The following MED1 variants were observed in gnomAD, a reference collection of about 807,000 sequenced individuals.
MED1 encodes mediator complex subunit 1.
In MED1, 17 loss-of-function variants were observed where a neutral mutation model predicts 121.3. That is an observed-to-expected ratio of 0.14 (90% CI 0.10 to 0.21). The LOEUF (loss-of-function observed/expected upper bound fraction) is 0.21. MED1 is among the 10% of genes least tolerant of loss of function. The pLI, the probability that MED1 is intolerant of heterozygous loss-of-function variation, is 1.00. For synonymous variants in MED1, 661 were observed against 694.4 expected (o/e 0.95, Z 0.76); for missense variants, 1,558 against 1,919.4 (o/e 0.81, Z 3.52).
Position 39,408,138 on chromosome 17 carries a change from G to A in MED1, c.4083C>T (p.Asp1361=). The A allele has an allele frequency of 6.2e-7, 1 of 1,614,036 alleles. No homozygotes were observed. The change falls in exon 17 of 17, where the codon GAC becomes GAT. Residue 1361 remains aspartate (D), a synonymous_variant. Coordinates refer to ENST00000300651, the MANE Select transcript of MED1 (RefSeq NM_004774.4). The surrounding 1 kb of genome is among the most constrained non-coding windows in gnomAD (Gnocchi z 4.7). ...TCCCGGAGGTGGAAACCTTTGATTTGTCTTTATCACTTTTCTCACGCTTGC... is the reference window on the plus strand; with the variant it reads ...TCCCGGAGGTGGAAACCTTTGATTTATCTTTATCACTTTTCTCACGCTTGC... The part of the protein sequence containing the change: ...FQGKREKSDK[D]KSKVSTSGSS...
chr17:39,448,780 A>G lies in MED1; in HGVS notation c.26-876T>C, dbSNP rs543636613. ...CAAAATTAGCCGGGCTTGGTGGTAC[A>G]TGCCTGTAATCCCAGCTACTCGGAA... On this transcript the variant is annotated intron_variant, in intron 1 of 16. Coordinates refer to ENST00000300651, the MANE Select transcript of MED1 (RefSeq NM_004774.4). Among the ~76,000 whole-genome samples, 115 of 151,830 alleles carry G rather than the reference A, an allele frequency of 7.6e-4. 1 individual carries two copies. The highest frequency in any genetic ancestry group is 1.4e-3 in the Non-Finnish European group (92 of 67,916).
At chr17:39,446,202 G>T (rs2144775226) in intron 2 of MED1, among the ~76,000 whole-genome samples, 1 of 152,064 alleles carries the variant, frequency 6.6e-6, no homozygotes, top group Middle Eastern at 3.4e-3. Flanking sequence ...TGTAATCCCA[G>T]CACTTTGAGA....
At chr17:39,419,223 C>A (rs998278041) in intron 14 of MED1, among the ~76,000 whole-genome samples, 2 of 151,808 alleles carry the variant, frequency 1.3e-5, no homozygotes, top group Non-Finnish European at 1.5e-5. Context: ...TAGCTGGGAC[C>A]ACAGGCGCAC....
In MED1 at chr17:39,406,972, A is replaced by G; in HGVS notation, c.*503T>C. On this transcript the variant is annotated 3_prime_UTR_variant, in exon 17 of 17. Transcript: ENST00000300651. ...TTACTTAAGTGTCCAAAATGACCAA[A>G]GTCCTTCATTTGCCCATGACTCAAA... 1.0e-6 allele frequency: 1 copy of G among 986,538 alleles called. No homozygotes were observed. The highest frequency in any genetic ancestry group is 1.7e-5 in the African/African-American group (1 of 57,344). 61.1% of individuals were successfully genotyped at this position (986,538 alleles called of 1,614,324 possible).
chr17:39,418,850 T>C (rs1251992815), intron 14 of MED1, among the ~76,000 whole-genome samples: 2 of 151,180 alleles, frequency 1.3e-5, no homozygotes, highest in Non-Finnish European at 2.9e-5. Context: ...TACAGTGGCA[T>C]GATCTAAGCT....
intron 9 of MED1, among the ~76,000 whole-genome samples, chr17:39,429,702 TAAAAAAAAAAAA>T (rs757034804): frequency 1.0e-4 from 5 of 48,966 alleles, no homozygotes; most frequent in Non-Finnish European, 1.6e-4. Context: ...CCTAAATGCC[TAAAAAAAAAAAA>T]AAAAAAAAAA....
chr17:39,428,684 G>A (rs943778716), intron 9 of MED1, among the ~76,000 whole-genome samples: 4 of 151,754 alleles, frequency 2.6e-5, no homozygotes, highest in African/African-American at 4.8e-5. Context: ...TGGGTGTGGT[G>A]GCACACACCT....
chr17:39,432,061 T>C lies in MED1; in HGVS notation c.501-45A>G, dbSNP rs762520610. ...AACATGAGTTAATAGTTGAAAAATA[T>C]GACCAAGCGGGGTGGCTCAGCCTGT... On this transcript the variant is annotated intron_variant, in intron 7 of 16. Transcript: ENST00000300651. 7 of 1,447,604 alleles carry C rather than the reference T, an allele frequency of 4.8e-6. No homozygotes were observed. The East Asian group carries it at 1.4e-4, about 28-fold the overall frequency. The allele number at this position is 1,447,604 out of a possible 1,614,324, so 89.7% of individuals were successfully genotyped here.
At chr17:39,449,700 G>C (rs1158205974) in intron 1 of MED1, among the ~76,000 whole-genome samples, 6 of 150,822 alleles carry the variant, frequency 4.0e-5, no homozygotes, top group Admixed American at 3.3e-4. Flanking sequence ...AGTAGAGAAA[G>C]GGTTTCACCA....
intron 2 of MED1, among the ~76,000 whole-genome samples, chr17:39,444,131 G>A (rs1171180709): frequency 6.6e-6 from 1 of 152,158 alleles, no homozygotes; most frequent in African/African-American, 2.4e-5. Context: ...AGGAGATTTG[G>A]TAGTGTACAA....
At chr17:39,414,634 CTTTTTTTTTTTTTTT>C (rs55829399) in intron 16 of MED1, among the ~76,000 whole-genome samples, 747 of 61,580 alleles carry the variant, frequency 0.012, 73 homozygotes, top group African/African-American at 0.045. Flanking sequence ...CAGGCCCGGC[CTTTTTTTTTTTTTTT>C]TTTTTTTTTT....
At chr17:39,441,694 C>A (rs752038229) in intron 3 of MED1, among the ~76,000 whole-genome samples, 1 of 152,100 alleles carries the variant, frequency 6.6e-6, no homozygotes, top group Non-Finnish European at 1.5e-5. Flanking sequence ...CTCTTGAACC[C>A]GGTGGGGGCG....
intron 16 of MED1, among the ~76,000 whole-genome samples, chr17:39,412,440 C>A (rs1357041982): frequency 6.6e-6 from 1 of 151,008 alleles, no homozygotes; most frequent in East Asian, 2.0e-4. Flanking sequence ...GTCAGTCAGG[C>A]TGGTCTCGAA....
At chr17:39,435,780 C>T (rs1000736673) in intron 6 of MED1, among the ~76,000 whole-genome samples, 4 of 152,110 alleles carry the variant, frequency 2.6e-5, no homozygotes, top group Admixed American at 2.0e-4. Context: ...CAGCTCACTA[C>T]AACTTCCACC....
intron 8 of MED1, 99 bp downstream of exon 8, chr17:39,431,840 ATAT>A (rs2048567643): frequency 1.4e-6 from 1 of 709,584 alleles, no homozygotes; most frequent in Admixed American, 2.8e-5. Context: ...GAGAAAGGAC[ATAT>A]TATCATACAG....
intron 3 of MED1, among the ~76,000 whole-genome samples, chr17:39,442,203 T>C (rs965607313): frequency 2.0e-5 from 3 of 152,066 alleles, no homozygotes; most frequent in Non-Finnish European, 4.4e-5. Flanking sequence ...ATAGAATTAG[T>C]CATTATAAGC....
intron 3 of MED1, among the ~76,000 whole-genome samples, chr17:39,441,129 T>G (rs893233864): frequency 1.3e-5 from 2 of 152,118 alleles, no homozygotes; most frequent in Non-Finnish European, 2.9e-5. Context: ...TTTTTCAACC[T>G]TAAAAAAGAA....
chr17:39,418,734 CT>C (rs755904737), intron 14 of MED1, among the ~76,000 whole-genome samples: 21 of 152,030 alleles, frequency 1.4e-4, no homozygotes, highest in Admixed American at 3.3e-4. Context: ...ATTCCCAACT[CT>C]TCCCACTGAG....
intron 10 of MED1, among the ~76,000 whole-genome samples, chr17:39,426,132 G>A (rs115461976): frequency 1.8e-4 from 27 of 151,792 alleles, no homozygotes; most frequent in African/African-American, 4.1e-4. Context: ...GACCTACCCC[G>A]TCCCCCATGC....
Sources: allele counts gnomAD v4.1 joint callset (sites outside exome capture counted in the v4.1 genomes callset), GRCh38; gene constraint gnomAD v4.1.1; non-coding constraint Gnocchi (gnomAD v3.1); transcripts MANE v1.5; gene names NCBI Gene and HGNC (gene_info 2026-07-23, HGNC 2026-07-21).